The following TEAD1 variants were observed in gnomAD, a reference collection of about 807,000 sequenced individuals.
The protein encoded by TEAD1 is TEA domain transcription factor 1, also known as transcriptional enhancer factor TEF-1.
Under a neutral mutation model 54.9 loss-of-function variants are expected in TEAD1, and 9 were observed. The ratio of observed to expected loss-of-function variants is 0.16; its 90% confidence interval spans 0.10 to 0.29. The LOEUF (loss-of-function observed/expected upper bound fraction) is 0.29, where lower values mean the gene tolerates loss of function less well. TEAD1 is among the 10% of genes least tolerant of loss of function. The probability of loss-of-function intolerance (pLI) is 1.00; values close to 1 mark genes in which losing one functional copy is unlikely to be tolerated. For missense variants in TEAD1, 387 were observed against 535.9 expected (o/e 0.72, Z 2.74); for synonymous variants, 200 against 187.8 (o/e 1.07, Z -0.53).
At chr11:12,785,456 A>G (rs1333625891) in intron 3 of TEAD1, among the ~76,000 whole-genome samples, 1 of 152,154 alleles carries the variant, frequency 6.6e-6, no homozygotes, top group Non-Finnish European at 1.5e-5. Flanking sequence ...TATAATGACC[A>G]TATCATTTAA....
At chr11:12,737,337 A>C (rs969919402) in intron 2 of TEAD1, among the ~76,000 whole-genome samples, 1 of 151,974 alleles carries the variant, frequency 6.6e-6, no homozygotes, top group Non-Finnish European at 1.5e-5. Context: ...GCAAAAAAAA[A>C]AAAAAGTAAT....
intron 5 of TEAD1, chr11:12,879,001 C>G: frequency 1.0e-6 from 1 of 978,102 alleles, no homozygotes; most frequent in Non-Finnish European, 1.4e-6. Flanking sequence ...CTAGAAAAGA[C>G]CCGTTCAGGA....
At chr11:12,807,905 T>G in intron 3 of TEAD1, among the ~76,000 whole-genome samples, 1 of 152,182 alleles carries the variant, frequency 6.6e-6, no homozygotes, top group Non-Finnish European at 1.5e-5. Context: ...CAGATGGTAG[T>G]CCTTACTCAT....
chr11:12,847,048 TG>T (rs1947168789), intron 3 of TEAD1, among the ~76,000 whole-genome samples: 2 of 152,204 alleles, frequency 1.3e-5, no homozygotes, highest in Non-Finnish European at 2.9e-5. Flanking sequence ...CATTCTTCTT[TG>T]CATCCCCAGT....
chr11:12,852,613 A>G (rs948694464), intron 3 of TEAD1, among the ~76,000 whole-genome samples: 2 of 151,786 alleles, frequency 1.3e-5, no homozygotes, highest in Non-Finnish European at 2.9e-5. Context: ...ACGTCAGGCT[A>G]ATTTTTGTAT....
At chr11:12,878,830 A>C in intron 5 of TEAD1, 2 of 1,149,332 alleles carry the variant, frequency 1.7e-6, no homozygotes, top group Non-Finnish European at 2.3e-6. Flanking sequence ...TTAACCAAAG[A>C]AGAAAAAAAA....
Position 12,865,182 on chromosome 11 carries a change from T to G in TEAD1, c.330+282T>G, listed in dbSNP as rs577580353. On this transcript the variant is annotated intron_variant, in intron 5 of 12. Coordinates refer to ENST00000527636, the MANE Select transcript of TEAD1 (RefSeq NM_021961.6). ...CAGCAGAGAGCTGGTCTTGATAACT[T>G]TTCAGCACAGAAACATGATTTTTTT... is the stretch of plus-strand genomic sequence containing the variant. The G allele has an allele frequency of 1.1e-4, 53 of 476,650 alleles. No individual in the cohort carries two copies. In the South Asian group the frequency reaches 1.2e-3, roughly 11 times the overall value. 29.5% of individuals were successfully genotyped at this position (476,650 alleles called of 1,614,324 possible).
chr11:12,833,615 G>A (rs1946825850), intron 3 of TEAD1, among the ~76,000 whole-genome samples: 1 of 151,718 alleles, frequency 6.6e-6, no homozygotes, highest in African/African-American at 2.4e-5. Flanking sequence ...TACTCCTGTT[G>A]CCATGCTACT....
At chr11:12,911,955 G>T (rs1323806211) in intron 10 of TEAD1, among the ~76,000 whole-genome samples, 1 of 151,516 alleles carries the variant, frequency 6.6e-6, no homozygotes, top group Non-Finnish European at 1.5e-5. Flanking sequence ...GATTTTCAAG[G>T]CTTTTTTTTT....
chr11:12,928,738 T>C (rs921985130), intron 11 of TEAD1, among the ~76,000 whole-genome samples: 2 of 151,240 alleles, frequency 1.3e-5, no homozygotes, highest in East Asian at 3.8e-4. Context: ...TAATTAATTA[T>C]TTTTAATTGA....
At chr11:12,896,639 A>C (rs1017889070) in intron 9 of TEAD1, among the ~76,000 whole-genome samples, 1 of 152,236 alleles carries the variant, frequency 6.6e-6, no homozygotes. Flanking sequence ...TCTTATAAAA[A>C]GAGCAGGTAA....
intron 5 of TEAD1, 183 bp from the exon 6 acceptor site, chr11:12,879,525 A>G: frequency 1.3e-6 from 1 of 741,906 alleles, no homozygotes; most frequent in Non-Finnish European, 2.4e-6. Context: ...GTAAATGTTG[A>G]GAGGTACGGT....
intron 7 of TEAD1, 47 bp from the exon 8 acceptor site, chr11:12,881,849 C>T (rs760640844): frequency 6.3e-7 from 1 of 1,599,948 alleles, no homozygotes; most frequent in Non-Finnish European, 8.6e-7. Flanking sequence ...ATAGCCCCTG[C>T]TGCAGATGCG....
chr11:12,690,258 A>T (rs187337407), intron 2 of TEAD1, among the ~76,000 whole-genome samples: 4,583 of 151,590 alleles, frequency 0.03, 208 homozygotes, highest in African/African-American at 0.097. Flanking sequence ...AAAAAAAAAA[A>T]AAAAATAATA....
chr11:12,696,804 A>G (rs1943593702), intron 2 of TEAD1, among the ~76,000 whole-genome samples: 1 of 152,004 alleles, frequency 6.6e-6, no homozygotes, highest in African/African-American at 2.4e-5. Context: ...CTGCTTGGTC[A>G]GCCATGCAGG....
chr11:12,696,724 A>G (rs1297187148), intron 2 of TEAD1, among the ~76,000 whole-genome samples: 2 of 152,044 alleles, frequency 1.3e-5, no homozygotes, highest in African/African-American at 4.8e-5. Flanking sequence ...TTGTTGGGAA[A>G]TACACCCTGC....
In TEAD1 at chr11:12,707,475, C is replaced by A. The variant is rs558466735; in HGVS notation, c.-55+31914C>A. 2.0e-5 allele frequency among the ~76,000 whole-genome samples: 3 copies of A among 152,330 alleles called. No individual in the cohort carries two copies. The South Asian group carries it at 6.2e-4, about 32-fold the overall frequency. The stretch of plus-strand genomic sequence containing the variant: ...GAGCTTAACTACCTCACTCTCAGGC[C>A]ACCTTCTGAAACTTAGTGACATCAT... On this transcript the variant is annotated intron_variant, in intron 2 of 12. Coordinates refer to ENST00000527636, the MANE Select transcript of TEAD1 (RefSeq NM_021961.6).
chr11:12,749,439 T>TTG lies in TEAD1; in HGVS notation c.-54-14729_-54-14728dup, dbSNP rs145211465. ...CGTCCACCTTTTTCCCTAAAGAAAT[T>TTG]TGTGTGTGTGTGCTGGGGACCCGTA... On this transcript the variant is annotated intron_variant, in intron 2 of 12. Coordinates refer to ENST00000527636, the MANE Select transcript of TEAD1 (RefSeq NM_021961.6). Among the ~76,000 whole-genome samples the TTG allele has an allele frequency of 2.0e-3, 310 of 152,164 alleles. 1 individual carries two copies. The highest frequency in any genetic ancestry group is 7.0e-3 in the African/African-American group (291 of 41,516).
intron 2 of TEAD1, among the ~76,000 whole-genome samples, chr11:12,763,810 A>C (rs1369214508): frequency 6.6e-6 from 1 of 152,240 alleles, no homozygotes; most frequent in African/African-American, 2.4e-5. Context: ...GAATCACTGC[A>C]AACTTGCAAC....
Sources: gnomAD v4.1 joint callset for allele counts (sites outside exome capture counted in the v4.1 genomes callset) on GRCh38, gnomAD v4.1.1 for gene constraint, MANE v1.5 for transcripts, NCBI Gene and HGNC (gene_info 2026-07-23, HGNC 2026-07-21) for gene names.